SYTL3: variants seen among roughly 807,000 people sequenced by gnomAD.
The protein encoded by SYTL3 is synaptotagmin-like protein 3.
SYTL3 carries 88 observed loss-of-function variants against 82.1 expected under a neutral mutation model. That is an observed-to-expected ratio of 1.07 (90% CI 0.90 to 1.28). The LOEUF is 1.28. SYTL3 is among the 50% of genes most tolerant of loss of function. The probability of loss-of-function intolerance (pLI) is 0.00; values close to 1 mark genes in which losing one functional copy is unlikely to be tolerated. For synonymous variants in SYTL3, 311 were observed against 289.4 expected, an observed-to-expected ratio of 1.07 and a Z score of -0.76; for missense variants, 831 against 757.6, an observed-to-expected ratio of 1.10 and a Z score of -1.14.
rs141933510 is a variant in SYTL3 at position 158,665,516 on chromosome 6, G to A, written c.232G>A (p.Ala78Thr). Reference sequence around the variant, plus strand: ...GCTGGGGTTCCTGCTGCACCGGGGCGCCGTGTGCCGGGGCTGCAGCCACCG... The same window carrying A: ...GCTGGGGTTCCTGCTGCACCGGGGCACCGTGTGCCGGGGCTGCAGCCACCG... ...QVLGFLLHRGAVCRGCSHRVC... is the reference protein window; with the variant it reads ...QVLGFLLHRGTVCRGCSHRVC... Residue 78 changes from alanine to threonine, a missense_variant, in exon 5 of 18, where the codon GCC becomes ACC. Transcript: ENST00000611299. The A allele has an allele frequency of 1.6e-4, 259 of 1,593,820 alleles. No individual in the cohort carries two copies. Among genetic ancestry groups the A allele is most frequent in the South Asian group, 2.5e-4 (22 of 87,832 alleles).
At chr6:158,694,547 G>A (rs769102313) in intron 6 of SYTL3, among the ~76,000 whole-genome samples, 23 of 151,924 alleles carry the variant, frequency 1.5e-4, no homozygotes, top group Non-Finnish European at 2.8e-4. Context: ...TGCCCACCTC[G>A]GCCTCCCAAA....
chr6:158,763,215 T>G, intron 16 of SYTL3, 89 bp from the exon 17 acceptor site: 1 of 1,289,248 alleles, frequency 7.8e-7, no homozygotes, highest in Non-Finnish European at 1.1e-6. Flanking sequence ...GCACTTTTCT[T>G]AGTGCTTCCC....
rs201599082 is a variant in SYTL3 at position 158,682,237 on chromosome 6, C to CTGATA, written c.330-687_330-683dup. ...TACAGGCGTGAGCCACCGCGCCTGG[C>CTGATA]TGATACATTGGTCATTTTGATGATA... On this transcript the variant is annotated intron_variant, in intron 5 of 17. Coordinates refer to ENST00000611299, the MANE Select transcript of SYTL3 (RefSeq NM_001242394.2). Among the ~76,000 whole-genome samples, 1,154 of 151,880 alleles carry CTGATA rather than the reference C, an allele frequency of 7.6e-3. 9 individuals are homozygous for CTGATA. The highest frequency in any genetic ancestry group is 0.026 in the African/African-American group (1,075 of 41,368).
chr6:158,685,101 A>G (rs895701614), intron 6 of SYTL3, among the ~76,000 whole-genome samples: 6 of 152,074 alleles, frequency 3.9e-5, no homozygotes, highest in Non-Finnish European at 8.8e-5. Context: ...TTTGCTACCA[A>G]TCTTTGTCCC....
chr6:158,764,495 A>T lies in SYTL3; in HGVS notation c.1724A>T (p.Lys575Met). Reference sequence around the variant, plus strand: ...GCTAAATTGTCTTCCTCTCTTACAGAGGGAGACACAGCTGTTGGCGGGGAT... The same window carrying T: ...GCTAAATTGTCTTCCTCTCTTACAGTGGGAGACACAGCTGTTGGCGGGGAT... ...RLLGGTRLGS[K>M]GDTAVGGDAC... The change falls in exon 18 of 18, where the codon AAG becomes ATG. Residue 575 changes from lysine to methionine, a missense_variant and splice_region_variant. Coordinates refer to ENST00000611299, the MANE Select transcript of SYTL3 (RefSeq NM_001242394.2). The T allele has an allele frequency of 6.2e-7, 1 of 1,612,030 alleles. No homozygotes were observed. The highest frequency in any genetic ancestry group is 8.5e-7 in the Non-Finnish European group (1 of 1,178,396).
intron 14 of SYTL3, among the ~76,000 whole-genome samples, chr6:158,758,077 C>T (rs1789381190): frequency 6.6e-6 from 1 of 152,070 alleles, no homozygotes; most frequent in South Asian, 2.1e-4. Context: ...GTCCAGATCC[C>T]GGACTGGGAG....
At chr6:158,675,579 C>T (rs113434958) in intron 5 of SYTL3, among the ~76,000 whole-genome samples, 1 of 152,052 alleles carries the variant, frequency 6.6e-6, no homozygotes, top group African/African-American at 2.4e-5. Context: ...TTTGGGAGGC[C>T]GAGGTGGGTG....
chr6:158,762,271 C>CAAG (rs1430266226), intron 16 of SYTL3, 93 bp downstream of exon 16: 1 of 863,422 alleles, frequency 1.2e-6, no homozygotes. Flanking sequence ...AAACGTAAGC[C>CAAG]ACTTAAAACG....
intron 2 of SYTL3, among the ~76,000 whole-genome samples, chr6:158,659,145 G>A (rs1027760715): frequency 4.6e-5 from 7 of 152,158 alleles, no homozygotes; most frequent in Admixed American, 3.9e-4. Context: ...CACATACCTC[G>A]AGTTCTCTAA....
chr6:158,705,915 C>T (rs1782036133), intron 6 of SYTL3, among the ~76,000 whole-genome samples: 2 of 152,252 alleles, frequency 1.3e-5, no homozygotes, highest in Non-Finnish European at 2.9e-5. Flanking sequence ...GGATGAGCAG[C>T]GTGGCTGTTT....
At chr6:158,676,025 G>A (rs1486568481) in intron 5 of SYTL3, among the ~76,000 whole-genome samples, 2 of 152,156 alleles carry the variant, frequency 1.3e-5, no homozygotes, top group Non-Finnish European at 2.9e-5. Flanking sequence ...AGCTACCAAT[G>A]ACTTTCTTCA....
intron 6 of SYTL3, among the ~76,000 whole-genome samples, chr6:158,694,515 G>T (rs939082098): frequency 1.3e-5 from 2 of 151,848 alleles, no homozygotes; most frequent in East Asian, 3.9e-4. Context: ...GGCTGGTCCT[G>T]AACTCCTGGG....
intron 6 of SYTL3, among the ~76,000 whole-genome samples, chr6:158,705,124 G>A (rs1781881949): frequency 1.4e-5 from 1 of 70,506 alleles, no homozygotes; most frequent in Admixed American, 1.2e-4. Context: ...GGGACAGGGT[G>A]ACAGTGAGGG....
chr6:158,744,258 G>A (rs1036726416), intron 11 of SYTL3, among the ~76,000 whole-genome samples: 6 of 146,300 alleles, frequency 4.1e-5, no homozygotes, highest in African/African-American at 1.5e-4. Flanking sequence ...TTCCCTTGTG[G>A]TTCTGACTTT....
intron 5 of SYTL3, among the ~76,000 whole-genome samples, chr6:158,681,296 A>G (rs1778663255): frequency 6.6e-6 from 1 of 152,094 alleles, no homozygotes; most frequent in South Asian, 2.1e-4. Context: ...CCATGTTAGG[A>G]CGTCAGTTTG....
chr6:158,762,982 G>T (rs1223086169), intron 16 of SYTL3, among the ~76,000 whole-genome samples: 1 of 152,190 alleles, frequency 6.6e-6, no homozygotes, highest in Non-Finnish European at 1.5e-5. Flanking sequence ...GGACAAGCTT[G>T]TCTGAGTTGA....
chr6:158,747,403 C>G (rs1221717929), intron 12 of SYTL3, among the ~76,000 whole-genome samples: 1 of 151,900 alleles, frequency 6.6e-6, no homozygotes, highest in African/African-American at 2.4e-5. Context: ...GCTTTGTCAC[C>G]CAGCTTGGAG....
intron 16 of SYTL3, 22 bp from the exon 17 acceptor site, chr6:158,763,282 A>G (rs755670327): frequency 1.1e-4 from 178 of 1,612,140 alleles, no homozygotes; most frequent in Non-Finnish European, 1.5e-4. Context: ...CAATGATTGC[A>G]GGGTTTGTGT....
Position 158,667,975 on chromosome 6 carries a change from A to T in SYTL3, c.329+2362A>T, listed in dbSNP as rs1790284187. ...TGAGTGGCTCAAGACGACTTCCAGA[A>T]CATCCATGGTTGGAATAGTCTTTTA... On this transcript the variant is annotated intron_variant, in intron 5 of 17. Coordinates refer to ENST00000611299, the MANE Select transcript of SYTL3 (RefSeq NM_001242394.2). Among the ~76,000 whole-genome samples the T allele has an allele frequency of 2.0e-5, 3 of 152,246 alleles. No individual in the cohort carries two copies. The South Asian group carries it at 6.2e-4, about 32-fold the overall frequency.
Sources: allele counts gnomAD v4.1 joint callset (sites outside exome capture counted in the v4.1 genomes callset), GRCh38; gene constraint gnomAD v4.1.1; transcripts MANE v1.5; gene names NCBI Gene and HGNC (gene_info 2026-07-23, HGNC 2026-07-21).